Variants in ADAD1 observed in about 807,000 individuals in gnomAD.
ADAD1 encodes adenosine deaminase domain containing 1.
Under a neutral mutation model 66.8 loss-of-function variants are expected in ADAD1, and 46 were observed. That is an observed-to-expected ratio of 0.69 (90% confidence interval 0.54 to 0.88). ADAD1 has a LOEUF of 0.88. Ranked by LOEUF, ADAD1 falls within the 40% of genes least tolerant of loss-of-function variation. ADAD1 has a pLI of 0.00. For synonymous variants in ADAD1, 248 were observed against 229.4 expected (o/e 1.08, Z -0.73); for missense variants, 617 against 681.8 (o/e 0.91, Z 1.06).
chr4:122,392,945 G>C (rs1795523083), intron 5 of ADAD1, among the ~76,000 whole-genome samples: 1 of 151,188 alleles, frequency 6.6e-6, no homozygotes, highest in African/African-American at 2.4e-5. Context: ...AGTTCTGTTT[G>C]CTTTCTTTGT....
At chr4:122,418,185 T>G (rs45627241) in intron 11 of ADAD1, among the ~76,000 whole-genome samples, 7,475 of 151,942 alleles carry the variant, frequency 0.049, 260 homozygotes, top group Non-Finnish European at 0.074. Context: ...AAGAGGATCA[T>G]AAGCTATTTT....
chr4:122,380,263 A>G (rs1794826940), intron 3 of ADAD1, 22 bp downstream of exon 3: 3 of 1,592,700 alleles, frequency 1.9e-6, no homozygotes, highest in South Asian at 1.2e-5. Context: ...TTCATTTGTA[A>G]CAATGAGTCA....
chr4:122,411,222 G>A lies in ADAD1; in HGVS notation c.849G>A (p.Arg283=), dbSNP rs770312986. The part of the protein sequence containing the change: ...AVVTARRSLL[R]YFYRQLLLFY... ...GACAAAATTATAACATTTATTTTAG[G>A]TACTTTTATAGACAACTTCTGCTCT... is the stretch of plus-strand genomic sequence containing the variant. Residue 283 remains arginine (R), a splice_region_variant and synonymous_variant, in exon 9 of 13, where the codon AGG becomes AGA. Coordinates refer to ENST00000296513, the MANE Select transcript of ADAD1 (RefSeq NM_139243.4). The A allele has an allele frequency of 4.6e-5, 73 of 1,582,124 alleles. No individual in the cohort carries two copies. Among genetic ancestry groups the A allele is most frequent in the Non-Finnish European group, 6.0e-5 (70 of 1,168,300 alleles).
intron 11 of ADAD1, among the ~76,000 whole-genome samples, chr4:122,418,176 A>G (rs1325638820): frequency 1.3e-5 from 2 of 152,170 alleles, no homozygotes; most frequent in Non-Finnish European, 2.9e-5. Context: ...GAGAAAATTA[A>G]GAGGATCATA....
At chr4:122,394,776 C>T (rs1020181730) in intron 6 of ADAD1, among the ~76,000 whole-genome samples, 1 of 152,022 alleles carries the variant, frequency 6.6e-6, no homozygotes, top group Non-Finnish European at 1.5e-5. Context: ...TCAAGGATGG[C>T]AAATAATATA....
At chr4:122,429,569 T>C in intron 12 of ADAD1, 57 bp from the exon 13 acceptor site, 2 of 1,132,666 alleles carry the variant, frequency 1.8e-6, no homozygotes, top group Non-Finnish European at 2.6e-6. Flanking sequence ...TTGGGGCTAC[T>C]TTTCAGCAAT....
chr4:122,420,974 T>A (rs1386637105), intron 11 of ADAD1, among the ~76,000 whole-genome samples: 1 of 152,216 alleles, frequency 6.6e-6, no homozygotes, highest in East Asian at 1.9e-4. Context: ...GAACTGCTGT[T>A]TAATTTGTAT....
chr4:122,428,551 A>G (rs568359805), intron 12 of ADAD1, among the ~76,000 whole-genome samples: 129 of 152,360 alleles, frequency 8.5e-4, no homozygotes, highest in Middle Eastern at 3.4e-3. Flanking sequence ...CTACAATGGA[A>G]TATTATACCC....
chr4:122,405,260 T>G (rs1383588786), intron 7 of ADAD1, among the ~76,000 whole-genome samples: 1 of 152,142 alleles, frequency 6.6e-6, no homozygotes, highest in Non-Finnish European at 1.5e-5. Flanking sequence ...AAGCCTGGCT[T>G]CCCAAATTTC....
At chr4:122,387,109 A>G (rs954862571) in intron 5 of ADAD1, among the ~76,000 whole-genome samples, 1 of 124,506 alleles carries the variant, frequency 8.0e-6, no homozygotes, top group African/African-American at 3.1e-5. Flanking sequence ...CATTGAATCT[A>G]TAAATTAGTT....
intron 6 of ADAD1, among the ~76,000 whole-genome samples, chr4:122,394,979 A>G (rs75915577): frequency 0.053 from 8,054 of 152,210 alleles, 725 homozygotes; most frequent in African/African-American, 0.18. Flanking sequence ...GAGACCCACA[A>G]ATTGTTGGGC....
intron 7 of ADAD1, among the ~76,000 whole-genome samples, chr4:122,406,469 A>C (rs1796217159): frequency 6.6e-6 from 1 of 152,060 alleles, no homozygotes; most frequent in South Asian, 2.1e-4. Flanking sequence ...TTAACCCCTT[A>C]TTGGAGATAT....
At chr4:122,415,141 G>C (rs1264666092) in intron 10 of ADAD1, among the ~76,000 whole-genome samples, 3 of 152,006 alleles carry the variant, frequency 2.0e-5, no homozygotes, top group Non-Finnish European at 4.4e-5. Flanking sequence ...ATTCAGTAGA[G>C]GGACCTGTCA....
chr4:122,414,004 A>G (rs879815149), intron 10 of ADAD1, among the ~76,000 whole-genome samples: 259 of 150,266 alleles, frequency 1.7e-3, no homozygotes, highest in Middle Eastern at 7.0e-3. Context: ...ATTATATGGT[A>G]TAATTTTAGA....
At chr4:122,429,136 AAAG>A (rs200153763) in intron 12 of ADAD1, among the ~76,000 whole-genome samples, 12,708 of 151,660 alleles carry the variant, frequency 0.084, 1,794 homozygotes, top group African/African-American at 0.29. Context: ...TAAAAAAAAA[AAAG>A]AACAAGAAGA....
At chr4:122,383,513 A>G (rs1428880470) in intron 4 of ADAD1, among the ~76,000 whole-genome samples, 2 of 152,188 alleles carry the variant, frequency 1.3e-5, no homozygotes, top group African/African-American at 4.8e-5. Context: ...CAGGCATTAT[A>G]CTAGACACTC....
intron 5 of ADAD1, among the ~76,000 whole-genome samples, chr4:122,391,204 G>A (rs1417319592): frequency 1.3e-5 from 2 of 152,128 alleles, no homozygotes; most frequent in Admixed American, 1.3e-4. Context: ...GTCACTCAGG[G>A]AGGCTGGAGA....
In ADAD1 at chr4:122,425,130, A is replaced by C. The variant is rs78390267; in HGVS notation, c.1617+3740A>C. On this transcript the variant is annotated intron_variant, in intron 12 of 12. Coordinates refer to ENST00000296513, the MANE Select transcript of ADAD1 (RefSeq NM_139243.4). The stretch of plus-strand genomic sequence containing the variant: ...TAGTTGGTTTTAATTCTCCTTTGTC[A>C]GTAATTGATAGAACAACTCCACAGA... Among the ~76,000 whole-genome samples, 955 of 152,258 alleles carry C rather than the reference A, an allele frequency of 6.3e-3. 3 individuals carry two copies. The highest frequency in any genetic ancestry group is 0.01 in the Non-Finnish European group (695 of 67,940).
intron 12 of ADAD1, among the ~76,000 whole-genome samples, chr4:122,423,240 G>A (rs1797087900): frequency 6.6e-6 from 1 of 152,188 alleles, no homozygotes; most frequent in Admixed American, 6.5e-5. Flanking sequence ...GCCAAACTTG[G>A]TAGGAAATTA....
Sources: allele counts gnomAD v4.1 joint callset (sites outside exome capture counted in the v4.1 genomes callset), GRCh38; gene constraint gnomAD v4.1.1; transcripts MANE v1.5; gene names NCBI Gene and HGNC (gene_info 2026-07-23, HGNC 2026-07-21).